OGDH: variants seen among roughly 807,000 people sequenced by gnomAD.
The protein encoded by OGDH is 2-oxoglutarate dehydrogenase complex component E1.
OGDH carries 38 observed loss-of-function variants against 116.6 expected under a neutral mutation model. That is an observed-to-expected ratio of 0.33 (90% CI 0.25 to 0.43). The LOEUF is 0.43. OGDH is among the 20% of genes least tolerant of loss of function. The pLI is 1.00. For missense variants in OGDH, 825 were observed against 1,357.2 expected (o/e 0.61, Z 6.16); for synonymous variants, 488 against 533.3 (o/e 0.92, Z 1.17).
intron 1 of OGDH, among the ~76,000 whole-genome samples, chr7:44,619,617 C>T (rs1455586628): frequency 4.6e-5 from 7 of 152,092 alleles, no homozygotes; most frequent in Admixed American, 2.0e-4. Flanking sequence ...AGATATAACA[C>T]GTTTTGCTTA....
At chr7:44,663,948 A>AG (rs1190416073) in intron 4 of OGDH, among the ~76,000 whole-genome samples, 1 of 152,072 alleles carries the variant, frequency 6.6e-6, no homozygotes, top group East Asian at 1.9e-4. Flanking sequence ...TCAAAAAAAA[A>AG]AAAAGAAAAA....
At chr7:44,648,299 A>G (rs2115818305) in intron 4 of OGDH, among the ~76,000 whole-genome samples, 1 of 152,326 alleles carries the variant, frequency 6.6e-6, no homozygotes, top group African/African-American at 2.4e-5. Flanking sequence ...AGGCATTCCC[A>G]CAGCGTCAGG....
At chr7:44,664,028 T>C (rs1185368938) in intron 4 of OGDH, among the ~76,000 whole-genome samples, 1 of 152,174 alleles carries the variant, frequency 6.6e-6, no homozygotes, top group Non-Finnish European at 1.5e-5. Flanking sequence ...GGTGTTGATG[T>C]CTGTTGATTT....
chr7:44,608,934 A>G (rs556593407), intron 1 of OGDH, among the ~76,000 whole-genome samples: 6 of 152,328 alleles, frequency 3.9e-5, no homozygotes, highest in African/African-American at 1.4e-4. Context: ...GCAAAACTAT[A>G]GTAAATATCA....
At chr7:44,705,031 G>A (rs1789002868) in intron 20 of OGDH, among the ~76,000 whole-genome samples, 1 of 140,672 alleles carries the variant, frequency 7.1e-6, no homozygotes, top group African/African-American at 2.8e-5. Context: ...ATCTTTTGAT[G>A]TACAAAAGTT....
At chr7:44,652,558 T>TTTTTA (rs1174967055) in intron 4 of OGDH, among the ~76,000 whole-genome samples, 2 of 152,106 alleles carry the variant, frequency 1.3e-5, no homozygotes, top group Non-Finnish European at 1.5e-5. Context: ...ATACTTTATT[T>TTTTTA]TTTTATTTTA....
chr7:44,624,309 TTGTA>T lies in OGDH; in HGVS notation c.-27-7_-27-4del. The T allele has an allele frequency of 9.6e-6, 12 of 1,251,330 alleles. No homozygotes were observed. In the East Asian group the frequency reaches 1.8e-4, roughly 19 times the overall value. The allele number at this position is 1,251,330 out of a possible 1,614,324, so 77.5% of individuals were successfully genotyped here. On this transcript the variant is annotated splice_region_variant and splice_polypyrimidine_tract_variant and intron_variant, in intron 1 of 22. Coordinates refer to ENST00000222673, the MANE Select transcript of OGDH (RefSeq NM_002541.4). ...CTTTCTTGTTTTTTTTTTTTTTTTTTTGTACAGGCAGTTGTGAAAAACTTCAGGA... is the reference window on the plus strand; with the variant it reads ...CTTTCTTGTTTTTTTTTTTTTTTTTTCAGGCAGTTGTGAAAAACTTCAGGA...
chr7:44,608,279 A>G (rs1210099647), intron 1 of OGDH, among the ~76,000 whole-genome samples: 5 of 152,136 alleles, frequency 3.3e-5, no homozygotes, highest in South Asian at 4.1e-4. Flanking sequence ...TATACCACAT[A>G]TACTTGTAGT....
intron 5 of OGDH, among the ~76,000 whole-genome samples, chr7:44,671,561 AGACCATCCTG>A (rs1332430854): frequency 6.6e-6 from 1 of 151,120 alleles, no homozygotes; most frequent in African/African-American, 2.4e-5. Flanking sequence ...CAGGAGATCG[AGACCATCCTG>A]GCTAACACGG....
chr7:44,698,150 A>G (rs988926785), intron 17 of OGDH, 42 bp from the exon 18 acceptor site: 2 of 1,607,492 alleles, frequency 1.2e-6, no homozygotes, highest in Non-Finnish European at 1.7e-6. Flanking sequence ...AAATGTCAGT[A>G]CGCAAGAGCT....
intron 2 of OGDH, among the ~76,000 whole-genome samples, chr7:44,629,875 C>T (rs540282698): frequency 1.4e-4 from 22 of 152,210 alleles, no homozygotes; most frequent in South Asian, 4.1e-4. Flanking sequence ...CCATCATGCC[C>T]GGCCTGATGC....
intron 2 of OGDH, among the ~76,000 whole-genome samples, chr7:44,641,729 G>A (rs188285081): frequency 6.6e-6 from 1 of 152,348 alleles, no homozygotes; most frequent in East Asian, 1.9e-4. Flanking sequence ...GAAGATGGAT[G>A]TCCAATGCAT....
chr7:44,642,131 T>A (rs1785969459), intron 2 of OGDH, among the ~76,000 whole-genome samples: 1 of 138,862 alleles, frequency 7.2e-6, no homozygotes, highest in African/African-American at 3.4e-5. Context: ...AAAAGGAAAG[T>A]TTAGGCCCAG....
chr7:44,645,714 C>G (rs1224719341), intron 3 of OGDH, among the ~76,000 whole-genome samples, 196 bp downstream of exon 3: 2 of 152,192 alleles, frequency 1.3e-5, no homozygotes, highest in African/African-American at 2.4e-5. Flanking sequence ...CCTATTTGAG[C>G]AAATCTCCCA....
chr7:44,677,878 GAA>G (rs777625844), intron 9 of OGDH, among the ~76,000 whole-genome samples: 31 of 87,972 alleles, frequency 3.5e-4, no homozygotes, highest in Non-Finnish European at 6.3e-4. Flanking sequence ...CTTCTCAAAG[GAA>G]AAAAAAAAAA....
At chr7:44,614,878 C>T (rs1784711528) in intron 1 of OGDH, among the ~76,000 whole-genome samples, 1 of 149,218 alleles carries the variant, frequency 6.7e-6, no homozygotes, top group Admixed American at 6.7e-5. Flanking sequence ...GCTCTGTCGC[C>T]CAGGCTGGAG....
intron 10 of OGDH, 60 bp downstream of exon 10, chr7:44,681,908 C>G (rs985768715): frequency 1.9e-6 from 3 of 1,583,602 alleles, no homozygotes; most frequent in African/African-American, 2.7e-5. Flanking sequence ...AATGACATCT[C>G]TGAGTCATTT....
At chr7:44,618,919 T>C (rs749581081) in intron 1 of OGDH, among the ~76,000 whole-genome samples, 2 of 152,238 alleles carry the variant, frequency 1.3e-5, no homozygotes, top group African/African-American at 2.4e-5. Context: ...CAGGCCTGGC[T>C]GGGTTTCCCC....
intron 1 of OGDH, among the ~76,000 whole-genome samples, chr7:44,621,861 A>G (rs1277859325): frequency 7.1e-6 from 1 of 140,428 alleles, no homozygotes; most frequent in East Asian, 2.0e-4. Flanking sequence ...ACAGAGCAAG[A>G]CTCCGTATCA....
Sources: gnomAD v4.1 joint callset for allele counts (sites outside exome capture counted in the v4.1 genomes callset) on GRCh38, gnomAD v4.1.1 for gene constraint, MANE v1.5 for transcripts, NCBI Gene and HGNC (gene_info 2026-07-23, HGNC 2026-07-21) for gene names.